PKHD1: variants seen among roughly 807,000 people sequenced by gnomAD.
PKHD1 encodes the protein fibrocystin.
Under a neutral mutation model 412.0 loss-of-function variants are expected in PKHD1, and 291 were observed. The ratio of observed to expected loss-of-function variants is 0.71; its 90% confidence interval spans 0.64 to 0.78. The LOEUF (loss-of-function observed/expected upper bound fraction) is 0.78. Ranked by LOEUF, PKHD1 falls within the 30% of genes least tolerant of loss-of-function variation. The probability of loss-of-function intolerance (pLI) is 0.00; values close to 1 mark genes in which losing one functional copy is unlikely to be tolerated. For missense variants in PKHD1, 4,825 were observed against 4,950.7 expected (o/e 0.97, Z 0.76); for synonymous variants, 1,777 against 1,821.5 (o/e 0.98, Z 0.62).
intron 43 of PKHD1, among the ~76,000 whole-genome samples, chr6:51,896,646 G>A (rs1371349771): frequency 1.8e-4 from 28 of 151,920 alleles, no homozygotes; most frequent in Admixed American, 9.2e-4. Context: ...CACCAGCAAC[G>A]GAACAAAGCT....
chr6:52,066,493 G>A (rs567673272), intron 11 of PKHD1, among the ~76,000 whole-genome samples: 22 of 152,182 alleles, frequency 1.4e-4, no homozygotes, highest in East Asian at 1.2e-3. Flanking sequence ...GCTCTAAGCA[G>A]AAGAATGAAT....
chr6:51,919,303 G>C (rs1784314529), intron 37 of PKHD1, among the ~76,000 whole-genome samples: 1 of 152,130 alleles, frequency 6.6e-6, no homozygotes, highest in Non-Finnish European at 1.5e-5. Flanking sequence ...ATTAATTTTT[G>C]TATAAGGTGT....
chr6:51,940,676 C>T lies in PKHD1; in HGVS notation c.5909-6354G>A, dbSNP rs182847061. Among the ~76,000 whole-genome samples the T allele has an allele frequency of 1.4e-3, 217 of 151,782 alleles. 7 individuals carry two copies. The highest frequency in any genetic ancestry group is 2.1e-3 in the Non-Finnish European group (139 of 67,788). ...GAAGACTGATACTGCCCGATTGCCT[C>T]GGAAGCCTACAGGACCATCGCAGAC... On this transcript the variant is annotated intron_variant, in intron 36 of 66. Coordinates refer to ENST00000371117, the MANE Select transcript of PKHD1 (RefSeq NM_138694.4).
intron 52 of PKHD1, among the ~76,000 whole-genome samples, chr6:51,801,868 T>C (rs995083773): frequency 1.3e-5 from 2 of 152,200 alleles, no homozygotes; most frequent in South Asian, 2.1e-4. Flanking sequence ...GATATTTTAA[T>C]TGATCAATAA....
At chr6:51,923,788 G>C (rs1352050051) in intron 37 of PKHD1, among the ~76,000 whole-genome samples, 1 of 152,170 alleles carries the variant, frequency 6.6e-6, no homozygotes, top group Non-Finnish European at 1.5e-5. Context: ...AAAATAAGCT[G>C]AAAAAGTTAA....
chr6:51,864,943 A>G (rs1382170249), intron 48 of PKHD1, among the ~76,000 whole-genome samples: 3 of 152,132 alleles, frequency 2.0e-5, no homozygotes, highest in East Asian at 1.9e-4. Context: ...GAAAAAAAAA[A>G]TGTTTACCTA....
intron 19 of PKHD1, among the ~76,000 whole-genome samples, chr6:52,054,490 C>T (rs1807394415): frequency 6.6e-6 from 1 of 152,198 alleles, no homozygotes; most frequent in South Asian, 2.1e-4. Flanking sequence ...AACCCCTGTT[C>T]TAACCCAATT....
intron 60 of PKHD1, among the ~76,000 whole-genome samples, chr6:51,737,017 T>C (rs2150922550): frequency 6.6e-6 from 1 of 152,290 alleles, no homozygotes; most frequent in Non-Finnish European, 1.5e-5. Context: ...CCAGCTTTAT[T>C]TTCTTTTTTT....
intron 22 of PKHD1, 147 bp from the exon 23 acceptor site, chr6:52,048,766 A>C (rs1581945983): frequency 1.2e-6 from 1 of 806,054 alleles, no homozygotes; most frequent in East Asian, 2.7e-5. Context: ...GGGAGTTTTC[A>C]GGACCACTCG....
At chr6:52,074,956 C>T (rs1287526862) in intron 6 of PKHD1, among the ~76,000 whole-genome samples, 1 of 152,200 alleles carries the variant, frequency 6.6e-6, no homozygotes, top group African/African-American at 2.4e-5. Context: ...ATGGGCTTGG[C>T]AGATCTGGGC....
chr6:51,705,755 A>G (rs1044678628), intron 60 of PKHD1, among the ~76,000 whole-genome samples: 2 of 152,158 alleles, frequency 1.3e-5, no homozygotes, highest in African/African-American at 4.8e-5. Flanking sequence ...AGGCTAGGAT[A>G]GATGCTTGAA....
chr6:51,866,141 G>A (rs192829959), intron 48 of PKHD1, among the ~76,000 whole-genome samples: 5 of 152,236 alleles, frequency 3.3e-5, no homozygotes, highest in Non-Finnish European at 7.4e-5. Flanking sequence ...GAGCACATCA[G>A]GGCCAAGAGA....
At chr6:51,929,466 C>T (rs1786235565) in intron 37 of PKHD1, among the ~76,000 whole-genome samples, 1 of 151,906 alleles carries the variant, frequency 6.6e-6, no homozygotes, top group African/African-American at 2.4e-5. Flanking sequence ...ACTTGACCTC[C>T]AATATTCATT....
chr6:51,748,744 G>C, intron 57 of PKHD1, 79 bp from the exon 58 acceptor site: 2 of 1,135,474 alleles, frequency 1.8e-6, no homozygotes, highest in Non-Finnish European at 2.7e-6. Context: ...GGGGCATTAA[G>C]ATATGAACAT....
intron 60 of PKHD1, among the ~76,000 whole-genome samples, chr6:51,724,125 ATTC>A (rs1782265090): frequency 6.6e-6 from 1 of 152,174 alleles, no homozygotes; most frequent in African/African-American, 2.4e-5. Flanking sequence ...CTTTTCACCT[ATTC>A]TTCTGAGGGC....
intron 27 of PKHD1, among the ~76,000 whole-genome samples, chr6:52,037,811 C>A (rs1038573985): frequency 6.6e-6 from 1 of 152,126 alleles, no homozygotes; most frequent in South Asian, 2.1e-4. Flanking sequence ...AACCTCTTGA[C>A]CCAGCAATTC....
chr6:51,630,828 C>T (rs12207540), intron 65 of PKHD1, among the ~76,000 whole-genome samples: 26,452 of 152,148 alleles, frequency 0.17, 2,807 homozygotes, highest in Non-Finnish European at 0.24. Flanking sequence ...GTAAAACTTT[C>T]ATAAAGTTCC....
intron 35 of PKHD1, among the ~76,000 whole-genome samples, chr6:52,006,627 T>C (rs1799101335): frequency 6.6e-6 from 1 of 152,156 alleles, no homozygotes; most frequent in African/African-American, 2.4e-5. Flanking sequence ...TCCACCCACC[T>C]TGGCATCCCA....
At chr6:51,849,290 T>A (rs1421753936) in intron 49 of PKHD1, among the ~76,000 whole-genome samples, 1 of 152,206 alleles carries the variant, frequency 6.6e-6, no homozygotes, top group Admixed American at 6.5e-5. Context: ...ATTTTCTTTA[T>A]CCAGTCTATC....
Sources: allele counts gnomAD v4.1 joint callset (sites outside exome capture counted in the v4.1 genomes callset), GRCh38; gene constraint gnomAD v4.1.1; transcripts MANE v1.5; gene names NCBI Gene and HGNC (gene_info 2026-07-23, HGNC 2026-07-21).